COL25A1: variants seen among roughly 807,000 people sequenced by gnomAD.
COL25A1 encodes collagen alpha-1(XXV) chain.
In COL25A1, 103 loss-of-function variants were observed where a neutral mutation model predicts 128.4. That is an observed-to-expected ratio of 0.80 (90% confidence interval 0.68 to 0.94). COL25A1 has a LOEUF of 0.94. COL25A1 is among the 40% of genes least tolerant of loss of function. The pLI, the probability that COL25A1 is intolerant of heterozygous loss-of-function variation, is 0.00. For missense variants in COL25A1, 745 were observed against 840.0 expected (o/e 0.89, Z 1.40); for synonymous variants, 279 against 277.2 (o/e 1.01, Z -0.06).
intron 3 of COL25A1, among the ~76,000 whole-genome samples, chr4:109,161,612 T>C (rs973433668): frequency 6.6e-6 from 1 of 152,224 alleles, no homozygotes; most frequent in Non-Finnish European, 1.5e-5. Context: ...GCACTCTGAA[T>C]TGTGGAAGCC....
chr4:109,115,046 A>C (rs763588372), intron 3 of COL25A1, among the ~76,000 whole-genome samples: 6 of 152,100 alleles, frequency 3.9e-5, no homozygotes, highest in Non-Finnish European at 8.8e-5. Flanking sequence ...CATCAAGTGA[A>C]ATACTTGTAA....
chr4:108,891,956 CA>C (rs1157484500), intron 16 of COL25A1, among the ~76,000 whole-genome samples: 1 of 151,882 alleles, frequency 6.6e-6, no homozygotes, highest in African/African-American at 2.4e-5. Flanking sequence ...GAAATCTGAG[CA>C]GTTCCATTTG....
intron 3 of COL25A1, among the ~76,000 whole-genome samples, chr4:109,172,027 C>G (rs756556077): frequency 2.0e-5 from 3 of 152,094 alleles, no homozygotes; most frequent in Non-Finnish European, 4.4e-5. Context: ...CTGATACAAT[C>G]GTTCCAGGCA....
At chr4:108,872,401 G>A (rs887789902) in intron 19 of COL25A1, among the ~76,000 whole-genome samples, 3 of 152,164 alleles carry the variant, frequency 2.0e-5, no homozygotes, top group Non-Finnish European at 4.4e-5. Context: ...AGGCAACAGA[G>A]GGAGACTCTG....
intron 3 of COL25A1, among the ~76,000 whole-genome samples, chr4:109,185,816 C>A (rs925926621): frequency 6.6e-6 from 1 of 152,148 alleles, no homozygotes; most frequent in Non-Finnish European, 1.5e-5. Flanking sequence ...TCCTCTCTCT[C>A]CCTCTCTCCA....
At chr4:109,291,376 T>C (rs1316796246) in intron 3 of COL25A1, among the ~76,000 whole-genome samples, 2 of 152,146 alleles carry the variant, frequency 1.3e-5, no homozygotes, top group African/African-American at 2.4e-5. Context: ...GTGCAATTCA[T>C]GTATTCTCAT....
At chr4:109,060,442 T>G (rs937391310) in intron 3 of COL25A1, among the ~76,000 whole-genome samples, 1 of 152,132 alleles carries the variant, frequency 6.6e-6, no homozygotes, top group Non-Finnish European at 1.5e-5. Flanking sequence ...CAGTATCACA[T>G]AGCGTAATGA....
chr4:109,125,811 CAGAA>C (rs1768544756), intron 3 of COL25A1, among the ~76,000 whole-genome samples: 1 of 152,098 alleles, frequency 6.6e-6, no homozygotes, highest in African/African-American at 2.4e-5. Flanking sequence ...GATACAAACA[CAGAA>C]AGAAAGAGTG....
At chr4:108,998,934 C>G (rs1029750233) in intron 6 of COL25A1, among the ~76,000 whole-genome samples, 4 of 152,144 alleles carry the variant, frequency 2.6e-5, no homozygotes, top group African/African-American at 9.7e-5. Flanking sequence ...GAAACTGGAT[C>G]CCTTCTTTAC....
At chr4:109,120,977 C>G (rs1768058878) in intron 3 of COL25A1, among the ~76,000 whole-genome samples, 1 of 152,038 alleles carries the variant, frequency 6.6e-6, no homozygotes, top group African/African-American at 2.4e-5. Context: ...GAGAGACATT[C>G]CATATTCATG....
At chr4:109,188,038 C>T (rs1450586850) in intron 3 of COL25A1, among the ~76,000 whole-genome samples, 3 of 152,252 alleles carry the variant, frequency 2.0e-5, no homozygotes, top group African/African-American at 4.8e-5. Context: ...GTGACAAGAA[C>T]ATGGAAGAAT....
intron 35 of COL25A1, among the ~76,000 whole-genome samples, chr4:108,820,619 T>C (rs528275550): frequency 2.6e-5 from 4 of 152,154 alleles, no homozygotes; most frequent in East Asian, 3.9e-4. Flanking sequence ...GACTTATTTA[T>C]AAACCTAGGG....
intron 11 of COL25A1, among the ~76,000 whole-genome samples, chr4:108,935,243 A>T (rs1157537102): frequency 6.6e-6 from 1 of 152,198 alleles, no homozygotes; most frequent in Non-Finnish European, 1.5e-5. Context: ...GTAGGATTCG[A>T]TTACTATAAA....
Position 108,940,623 on chromosome 4 carries a change from A to G in COL25A1, c.588T>C (p.Pro196=). 6.2e-7 allele frequency: 1 copy of G among 1,603,662 alleles called. No homozygotes were observed. Among genetic ancestry groups the G allele is most frequent in the Non-Finnish European group, 8.5e-7 (1 of 1,175,350 alleles). The part of the protein sequence containing the change: ...LIKGDQGQAG[P]PGPPGPPGPR... ...GGCCTGGAGGGCCAGGGGGTCCTGG[A>G]GGCCCTGCCTGTCCTTGGTCACCCT... The change falls in exon 10 of 38, where the codon CCT becomes CCC. Residue 196 remains proline, a synonymous_variant. Transcript: ENST00000399132.
At chr4:109,056,004 C>A (rs1761415915) in intron 3 of COL25A1, among the ~76,000 whole-genome samples, 1 of 152,034 alleles carries the variant, frequency 6.6e-6, no homozygotes, top group South Asian at 2.1e-4. Context: ...AAGTTTTAAT[C>A]TCTGTGGAAT....
At chr4:109,019,359 C>CATATATAT (rs1757493197) in intron 5 of COL25A1, among the ~76,000 whole-genome samples, 2 of 28,842 alleles carry the variant, frequency 6.9e-5, no homozygotes, top group African/African-American at 1.7e-4. Flanking sequence ...TACACACACA[C>CATATATAT]ACACACACAC....
intron 28 of COL25A1, 102 bp downstream of exon 28, chr4:108,846,037 G>C: frequency 1.3e-6 from 1 of 742,926 alleles, no homozygotes; most frequent in Non-Finnish European, 2.3e-6. Flanking sequence ...TGAACCACTA[G>C]ATGAGATTGC....
intron 3 of COL25A1, among the ~76,000 whole-genome samples, chr4:109,250,484 C>G (rs576411366): frequency 2.0e-5 from 3 of 151,780 alleles, no homozygotes; most frequent in Non-Finnish European, 4.4e-5. Context: ...AACTGGCAAG[C>G]TGGAGAACCA....
In COL25A1 at chr4:108,845,196, C is replaced by T. The variant is rs768799247; in HGVS notation, c.1571G>A (p.Gly524Asp). 2 of 1,613,578 alleles carry T rather than the reference C, an allele frequency of 1.2e-6. No homozygotes were observed. Among genetic ancestry groups the T allele is most frequent in the Non-Finnish European group, 1.7e-6 (2 of 1,179,518 alleles). ...KGDSGMPGPQ[G>D]PSIIGPPGPP... is the part of the protein sequence containing the mutation. ...CAGCCACCATGGACTTACAGAAGGA[C>T]CCTGTGGACCCGGCATTCCAGAATC... The change falls in exon 29 of 38, where the codon GGT becomes GAT. Residue 524 changes from glycine to aspartate, a missense_variant. Transcript: ENST00000399132.
Sources: allele counts gnomAD v4.1 joint callset (sites outside exome capture counted in the v4.1 genomes callset), GRCh38; gene constraint gnomAD v4.1.1; transcripts MANE v1.5; gene names NCBI Gene and HGNC (gene_info 2026-07-23, HGNC 2026-07-21).